Variants in SLC44A5 observed in about 807,000 individuals in gnomAD.
SLC44A5 encodes the protein solute carrier family 44 member 5.
A neutral mutation model predicts 101.8 loss-of-function variants in SLC44A5; 57 were observed. The ratio of observed to expected loss-of-function variants is 0.56; its 90% CI spans 0.45 to 0.70. SLC44A5 has a LOEUF of 0.70. Among genes scored for constraint, SLC44A5 ranks in the 30% least tolerant of loss-of-function variants. The pLI is 0.00. For missense variants in SLC44A5, 737 were observed against 853.1 expected, an observed-to-expected ratio of 0.86 and a Z score of 1.70; for synonymous variants, 281 against 290.9, an observed-to-expected ratio of 0.97 and a Z score of 0.35.
At chr1:75,303,684 C>T (rs1654683519) in intron 4 of SLC44A5, among the ~76,000 whole-genome samples, 1 of 152,050 alleles carries the variant, frequency 6.6e-6, no homozygotes, top group African/African-American at 2.4e-5. Context: ...CAGGAACTAC[C>T]CTGTCCCCAC....
chr1:75,449,952 G>A (rs1439913311), intron 2 of SLC44A5, among the ~76,000 whole-genome samples: 4 of 151,996 alleles, frequency 2.6e-5, no homozygotes, highest in Admixed American at 6.6e-5. Context: ...AGTAAGCCAA[G>A]ATCATGCCAC....
At chr1:75,567,207 G>A (rs1269067844) in intron 1 of SLC44A5, among the ~76,000 whole-genome samples, 1 of 152,030 alleles carries the variant, frequency 6.6e-6, no homozygotes, top group Non-Finnish European at 1.5e-5. Flanking sequence ...ATAACTTTTT[G>A]CACTTTTTCC....
At chr1:75,436,120 AAAAGAGTAAATTGGTTTTC>A (rs2101611393) in intron 2 of SLC44A5, among the ~76,000 whole-genome samples, 1 of 152,304 alleles carries the variant, frequency 6.6e-6, no homozygotes, top group East Asian at 1.9e-4. Flanking sequence ...TTATCATGAT[AAAAGAGTAAATTGGTTTTC>A]AAGATGTAAA....
rs1328579414 is a variant in SLC44A5, at chr1:75,242,565, G to A, written c.471+321C>T. On this transcript the variant is annotated intron_variant, in intron 8 of 23. Transcript: ENST00000370859. ...TATGGGGCTTCATCACCACATTAAC[G>A]AAATGGTGATTGCAAATGACATTAA... Among the ~76,000 whole-genome samples the A allele has an allele frequency of 5.3e-5, 8 of 152,122 alleles. No homozygotes were observed. In the East Asian group the frequency reaches 1.4e-3, roughly 26 times the overall value.
At chr1:75,531,048 C>T (rs1044513456) in intron 2 of SLC44A5, among the ~76,000 whole-genome samples, 3 of 152,276 alleles carry the variant, frequency 2.0e-5, no homozygotes, top group Admixed American at 2.0e-4. Flanking sequence ...TGGCCTATTG[C>T]AGCTTTATCA....
intron 13 of SLC44A5, among the ~76,000 whole-genome samples, chr1:75,223,376 T>A (rs1484666841): frequency 6.6e-6 from 1 of 152,206 alleles, no homozygotes; most frequent in Non-Finnish European, 1.5e-5. Context: ...AAGCCAAATA[T>A]CATCAATTAT....
chr1:75,551,915 A>T (rs1053272467), intron 1 of SLC44A5, among the ~76,000 whole-genome samples: 5 of 152,140 alleles, frequency 3.3e-5, no homozygotes, highest in African/African-American at 1.2e-4. Flanking sequence ...ATTTCAGATG[A>T]ACTGAAATGA....
intron 2 of SLC44A5, among the ~76,000 whole-genome samples, chr1:75,478,105 C>G (rs893115071): frequency 6.6e-6 from 1 of 152,184 alleles, no homozygotes; most frequent in Non-Finnish European, 1.5e-5. Flanking sequence ...ATTCAACATT[C>G]TTAAAGAAAA....
At chr1:75,404,727 C>T (rs1346601006) in intron 2 of SLC44A5, among the ~76,000 whole-genome samples, 2 of 152,190 alleles carry the variant, frequency 1.3e-5, no homozygotes, top group East Asian at 3.8e-4. Flanking sequence ...AAACCAGTAC[C>T]AGCTACTGCA....
intron 3 of SLC44A5, among the ~76,000 whole-genome samples, chr1:75,391,580 C>T (rs1419702361): frequency 6.6e-6 from 1 of 152,048 alleles, no homozygotes; most frequent in African/African-American, 2.4e-5. Flanking sequence ...CTCCTACAAC[C>T]AACTGACTTT....
At chr1:75,320,315 A>T (rs1656043449) in intron 4 of SLC44A5, among the ~76,000 whole-genome samples, 1 of 152,164 alleles carries the variant, frequency 6.6e-6, no homozygotes, top group Admixed American at 6.5e-5. Flanking sequence ...AGGAAAAATG[A>T]ACAACAAAAG....
intron 2 of SLC44A5, among the ~76,000 whole-genome samples, chr1:75,519,097 C>T (rs1275521648): frequency 1.3e-5 from 2 of 151,980 alleles, no homozygotes; most frequent in African/African-American, 4.8e-5. Flanking sequence ...AACCCACAAA[C>T]AGGGCTTTGG....
intron 5 of SLC44A5, among the ~76,000 whole-genome samples, chr1:75,285,196 T>C (rs577845542): frequency 2.4e-4 from 37 of 152,090 alleles, no homozygotes; most frequent in Non-Finnish European, 4.7e-4. Flanking sequence ...TGTTCAGAGT[T>C]TCTATTTCTT....
intron 2 of SLC44A5, among the ~76,000 whole-genome samples, chr1:75,470,047 C>T (rs1667022631): frequency 6.6e-6 from 1 of 151,984 alleles, no homozygotes; most frequent in South Asian, 2.1e-4. Flanking sequence ...GTATTTATCA[C>T]CAACCTTTCT....
the SLC44A5 span, among the ~76,000 whole-genome samples, chr1:75,667,393 G>A: frequency 1.3e-5 from 2 of 152,038 alleles, no homozygotes; most frequent in African/African-American, 4.8e-5. Flanking sequence ...CTTCTTCAAG[G>A]AGAACTACAA....
At chr1:75,365,426 G>C (rs1241942538) in intron 3 of SLC44A5, among the ~76,000 whole-genome samples, 1 of 152,032 alleles carries the variant, frequency 6.6e-6, no homozygotes, top group African/African-American at 2.4e-5. Flanking sequence ...ATGGTATTTG[G>C]TTTTCTGTTC....
At chr1:75,303,395 C>A (rs1293322678) in intron 4 of SLC44A5, among the ~76,000 whole-genome samples, 1 of 152,080 alleles carries the variant, frequency 6.6e-6, no homozygotes, top group Non-Finnish European at 1.5e-5. Context: ...GCCACCATGC[C>A]CGGCTAATTT....
chr1:75,288,877 C>T (rs1422359156), intron 5 of SLC44A5, among the ~76,000 whole-genome samples: 2 of 152,198 alleles, frequency 1.3e-5, no homozygotes, highest in African/African-American at 2.4e-5. Context: ...AGCTCTTTGC[C>T]ACAATTTAGG....
intron 2 of SLC44A5, among the ~76,000 whole-genome samples, chr1:75,446,649 T>TACACACACAC (rs10547175): frequency 6.7e-6 from 1 of 149,724 alleles, no homozygotes; most frequent in South Asian, 2.1e-4. Context: ...TGCCTGGCTA[T>TACACACACAC]ACACACACAC....
Sources: allele counts gnomAD v4.1 joint callset (sites outside exome capture counted in the v4.1 genomes callset), GRCh38; gene constraint gnomAD v4.1.1; transcripts MANE v1.5; gene names NCBI Gene and HGNC (gene_info 2026-07-23, HGNC 2026-07-21).